The following DMC1 variants were observed in gnomAD, a reference collection of about 807,000 sequenced individuals.
DMC1 encodes DNA meiotic recombinase 1.
DMC1 carries 27 observed loss-of-function variants against 50.1 expected under a neutral mutation model. That is an observed-to-expected ratio of 0.54 (90% CI 0.40 to 0.74). The LOEUF (loss-of-function observed/expected upper bound fraction) is 0.74, where lower values mean the gene tolerates loss of function less well. Among genes scored for constraint, DMC1 ranks in the 30% least tolerant of loss-of-function variants. The pLI, the probability that DMC1 is intolerant of heterozygous loss-of-function variation, is 0.00. For synonymous variants in DMC1, 148 were observed against 136.1 expected (o/e 1.09, Z -0.61); for missense variants, 295 against 420.2 (o/e 0.70, Z 2.60).
chr22:38,525,142 A>G (rs1406690821), intron 12 of DMC1, among the ~76,000 whole-genome samples: 9 of 152,044 alleles, frequency 5.9e-5, no homozygotes, highest in Admixed American at 5.9e-4. Context: ...CCCCAACTAT[A>G]CTCTAAATAT....
At position 38,568,214 on chromosome 22, in the gene DMC1, C is replaced by T. The variant is rs1202239302; in HGVS notation, c.43G>A (p.Asp15Asn). ...QVVAEEPGFQ[D>N]EEESLFQDID... ...CAACATTTTAGTCATACCTCTTCAT[C>T]TTGGAATCCTGGTTCTTCCGCCACA... The change falls in exon 2 of 14, where the codon GAT becomes AAT. Residue 15 changes from aspartate to asparagine, a missense_variant. Transcript: ENST00000216024. 2 of 1,613,974 alleles carry T rather than the reference C, an allele frequency of 1.2e-6. No individual in the cohort carries two copies. Among genetic ancestry groups the T allele is most frequent in the Non-Finnish European group, 1.7e-6 (2 of 1,179,982 alleles).
At position 38,520,191 on chromosome 22, in the gene DMC1, A is replaced by G. The variant is rs576248083; in HGVS notation, c.954-102T>C. 1.6e-5 allele frequency: 16 copies of G among 979,238 alleles called. No homozygotes were observed. In the African/African-American group the frequency reaches 2.4e-4, roughly 15 times the overall value. The allele number at this position is 979,238 out of a possible 1,614,324, so 60.7% of individuals were successfully genotyped here. On this transcript the variant is annotated intron_variant, in intron 13 of 13. Coordinates refer to ENST00000216024, the MANE Select transcript of DMC1 (RefSeq NM_007068.4). The stretch of plus-strand genomic sequence containing the variant: ...TGTGCCCATCAGTCTGAATCTCCAG[A>G]GACATCTCAGAGTTGGTACAACCAA...
intron 4 of DMC1, among the ~76,000 whole-genome samples, chr22:38,562,603 C>T (rs1472204347): frequency 6.6e-6 from 1 of 152,022 alleles, no homozygotes; most frequent in Admixed American, 6.6e-5. Flanking sequence ...ATGGAGTAAA[C>T]TACTTAATCT....
intron 8 of DMC1, among the ~76,000 whole-genome samples, chr22:38,541,761 C>T (rs1193735449): frequency 4.6e-5 from 7 of 152,010 alleles, no homozygotes; most frequent in African/African-American, 1.7e-4. Flanking sequence ...CAGCCTGATC[C>T]TCAGTTTGGT....
At chr22:38,566,550 C>A in intron 4 of DMC1, 40 bp downstream of exon 4, 1 of 1,611,960 alleles carries the variant, frequency 6.2e-7, no homozygotes, top group East Asian at 2.2e-5. Context: ...ATTCACAAGG[C>A]CCTGCCAAGC....
chr22:38,566,785 A>C, intron 3 of DMC1, 49 bp from the exon 4 acceptor site: 2 of 1,571,832 alleles, frequency 1.3e-6, no homozygotes, highest in Non-Finnish European at 1.7e-6. Context: ...GCCAGCCTGC[A>C]AGGCTCCCAT....
intron 3 of DMC1, 130 bp from the exon 4 acceptor site, chr22:38,566,866 ACCCACCCACC>A: frequency 1.1e-6 from 1 of 878,264 alleles, no homozygotes; most frequent in Non-Finnish European, 1.8e-6. Context: ...GCCAGGTGGA[ACCCACCCACC>A]ATGTAGCCAA....
intron 7 of DMC1, 41 bp downstream of exon 7, chr22:38,552,625 T>C (rs1420569719): frequency 3.0e-6 from 4 of 1,350,240 alleles, no homozygotes; most frequent in Admixed American, 1.7e-5. Context: ...TGATAAGTAA[T>C]AGCCATGATT....
At chr22:38,544,011 G>A (rs2090315551) in intron 8 of DMC1, among the ~76,000 whole-genome samples, 3 of 152,110 alleles carry the variant, frequency 2.0e-5, no homozygotes, top group African/African-American at 4.8e-5. Flanking sequence ...ATGTGCTCTC[G>A]CCATTGCTCC....
chr22:38,551,069 C>T (rs2090403599), intron 7 of DMC1, among the ~76,000 whole-genome samples: 1 of 149,648 alleles, frequency 6.7e-6, no homozygotes. Context: ...GGTGAAACCC[C>T]ATCTCTACTG....
intron 12 of DMC1, among the ~76,000 whole-genome samples, chr22:38,532,846 G>A (rs908131604): frequency 6.6e-6 from 1 of 151,764 alleles, no homozygotes; most frequent in Non-Finnish European, 1.5e-5. Context: ...GGGCTCAAGC[G>A]ATCCTCCTGC....
intron 12 of DMC1, among the ~76,000 whole-genome samples, chr22:38,524,196 G>T (rs1322477224): frequency 6.6e-6 from 1 of 152,094 alleles, no homozygotes; most frequent in Non-Finnish European, 1.5e-5. Flanking sequence ...CAGGCAGATT[G>T]CAAGGTCAGG....
At chr22:38,521,345 A>G (rs2090022087) in intron 13 of DMC1, among the ~76,000 whole-genome samples, 1 of 152,078 alleles carries the variant, frequency 6.6e-6, no homozygotes, top group Non-Finnish European at 1.5e-5. Context: ...AGTACCTAGT[A>G]ACAGTAGGGA....
intron 1 of DMC1, among the ~76,000 whole-genome samples, 175 bp downstream of exon 1, chr22:38,569,868 G>A (rs950172858): frequency 2.6e-5 from 4 of 152,212 alleles, no homozygotes; most frequent in African/African-American, 9.6e-5. Context: ...CGATTCGATT[G>A]AAAATGAGGT....
intron 12 of DMC1, among the ~76,000 whole-genome samples, chr22:38,531,340 C>T (rs1207326132): frequency 6.6e-6 from 1 of 151,982 alleles, no homozygotes; most frequent in African/African-American, 2.4e-5. Flanking sequence ...CTTGCTATAT[C>T]GTATGGCAGC....
At chr22:38,523,717 G>A (rs374234189) in intron 12 of DMC1, among the ~76,000 whole-genome samples, 6 of 151,856 alleles carry the variant, frequency 4.0e-5, no homozygotes, top group African/African-American at 1.2e-4. Context: ...GCAGTGAGCT[G>A]AGATTGCGCC....
chr22:38,555,328 A>G (rs756216453), intron 6 of DMC1, 29 bp downstream of exon 6: 2 of 1,487,878 alleles, frequency 1.3e-6, no homozygotes, highest in South Asian at 2.3e-5. Flanking sequence ...ATAATATTTC[A>G]TTTAACAAAA....
intron 12 of DMC1, among the ~76,000 whole-genome samples, chr22:38,535,116 G>A (rs991842566): frequency 4.1e-4 from 62 of 151,736 alleles, no homozygotes; most frequent in African/African-American, 1.3e-3. Context: ...TGGCTAACAC[G>A]GTGAAACCCC....
intron 7 of DMC1, among the ~76,000 whole-genome samples, chr22:38,551,234 C>T (rs551997604): frequency 4.0e-5 from 6 of 151,328 alleles, no homozygotes; most frequent in East Asian, 1.9e-4. Flanking sequence ...GGTGACACAG[C>T]GAGACTCCGT....
Sources: allele counts gnomAD v4.1 joint callset (sites outside exome capture counted in the v4.1 genomes callset), GRCh38; gene constraint gnomAD v4.1.1; transcripts MANE v1.5; gene names NCBI Gene and HGNC (gene_info 2026-07-23, HGNC 2026-07-21).